CIMIP6: variants seen among roughly 807,000 people sequenced by gnomAD.
The protein encoded by CIMIP6 is uncharacterized protein C2orf73.
At chr2:54,345,880 A>C in the CIMIP6 span, among the ~76,000 whole-genome samples, 1 of 152,248 alleles carries the variant, frequency 6.6e-6, no homozygotes, top group African/African-American at 2.4e-5. Context: ...CCATAAAGGG[A>C]TAGAAAAATA....
At chr2:54,365,109 G>A in the CIMIP6 span, among the ~76,000 whole-genome samples, 1 of 152,180 alleles carries the variant, frequency 6.6e-6, no homozygotes, top group African/African-American at 2.4e-5. Context: ...GAGCTTTGCT[G>A]CTGTGAAAAT....
At chr2:54,341,998 T>G in the CIMIP6 span, among the ~76,000 whole-genome samples, 1 of 152,182 alleles carries the variant, frequency 6.6e-6, no homozygotes, top group Non-Finnish European at 1.5e-5. Flanking sequence ...TAAATTCACC[T>G]TTTAGCCCAT....
chr2:54,354,998 T>C, the CIMIP6 span, among the ~76,000 whole-genome samples: 2 of 152,142 alleles, frequency 1.3e-5, no homozygotes, highest in Non-Finnish European at 2.9e-5. Flanking sequence ...TAGTCTTGAA[T>C]TCTTCCTCTA....
the CIMIP6 span, chr2:54,383,145 A>G: frequency 1.3e-5 from 2 of 152,250 alleles, no homozygotes; most frequent in Non-Finnish European, 2.9e-5. Context: ...AAGGCCTCCC[A>G]CCAACAGCCA....
At chr2:54,351,519 C>G in the CIMIP6 span, among the ~76,000 whole-genome samples, 1 of 151,836 alleles carries the variant, frequency 6.6e-6, no homozygotes, top group Non-Finnish European at 1.5e-5. Flanking sequence ...CAAACTAACG[C>G]AGGAACAAAA....
At chr2:54,344,778 T>C in the CIMIP6 span, among the ~76,000 whole-genome samples, 1 of 151,938 alleles carries the variant, frequency 6.6e-6, no homozygotes, top group African/African-American at 2.4e-5. Context: ...AAAAAAGATT[T>C]GGAGAATAAA....
the CIMIP6 span, among the ~76,000 whole-genome samples, chr2:54,369,206 G>T: frequency 6.6e-6 from 1 of 152,146 alleles, no homozygotes; most frequent in African/African-American, 2.4e-5. Flanking sequence ...TTGTGTGTGG[G>T]GGTGTGTGTG....
chr2:54,355,025 C>T, the CIMIP6 span, among the ~76,000 whole-genome samples: 5 of 151,984 alleles, frequency 3.3e-5, no homozygotes, highest in African/African-American at 9.7e-5. Context: ...CAAAGTAGGT[C>T]TGTTTTGGGG....
chr2:54,360,022 T>C, the CIMIP6 span, among the ~76,000 whole-genome samples: 1 of 152,202 alleles, frequency 6.6e-6, no homozygotes, highest in South Asian at 2.1e-4. Context: ...ATTTTATAAT[T>C]TAAAAGGTTC....
At chr2:54,355,650 G>T in the CIMIP6 span, among the ~76,000 whole-genome samples, 13 of 151,378 alleles carry the variant, frequency 8.6e-5, no homozygotes, top group African/African-American at 2.9e-4. Context: ...ATCCTTTCCT[G>T]CTGCCTTCTG....
At chr2:54,374,952 C>T in the CIMIP6 span, among the ~76,000 whole-genome samples, 1 of 152,170 alleles carries the variant, frequency 6.6e-6, no homozygotes, top group African/African-American at 2.4e-5. Context: ...AATTATTTTT[C>T]TGTTTTGCTT....
At chr2:54,381,479 A>G in the CIMIP6 span, among the ~76,000 whole-genome samples, 4 of 152,226 alleles carry the variant, frequency 2.6e-5, no homozygotes, top group African/African-American at 9.7e-5. Flanking sequence ...CCTTACAGGG[A>G]ACGTTACTGT....
chr2:54,347,667 A>T, the CIMIP6 span, among the ~76,000 whole-genome samples: 4 of 152,108 alleles, frequency 2.6e-5, no homozygotes, highest in African/African-American at 9.7e-5. Flanking sequence ...CAGGGTCTGT[A>T]GATCTACTTA....
At chr2:54,366,756 G>A in the CIMIP6 span, among the ~76,000 whole-genome samples, 1 of 151,572 alleles carries the variant, frequency 6.6e-6, no homozygotes, top group Non-Finnish European at 1.5e-5. Flanking sequence ...AGTAATAATG[G>A]TCAACACAGA....
At chr2:54,364,573 G>T in the CIMIP6 span, among the ~76,000 whole-genome samples, 1 of 152,166 alleles carries the variant, frequency 6.6e-6, no homozygotes, top group Non-Finnish European at 1.5e-5. Context: ...CCCCAAGTCT[G>T]CAGTTAGCAA....
the CIMIP6 span, among the ~76,000 whole-genome samples, chr2:54,363,333 C>T: frequency 1.3e-5 from 2 of 152,096 alleles, no homozygotes; most frequent in Non-Finnish European, 2.9e-5. Flanking sequence ...TCCTGGGGGT[C>T]GGTAGCTACT....
the CIMIP6 span, among the ~76,000 whole-genome samples, chr2:54,350,415 TGGACTGAGGACG>T: frequency 6.6e-6 from 1 of 152,200 alleles, no homozygotes; most frequent in Non-Finnish European, 1.5e-5. Context: ...ACTTGGCAGA[TGGACTGAGGACG>T]GGACTCAGCT....
the CIMIP6 span, among the ~76,000 whole-genome samples, chr2:54,366,414 C>T: frequency 3.3e-5 from 5 of 152,188 alleles, 1 homozygote; most frequent in South Asian, 2.1e-4. Context: ...GTATAAACTA[C>T]TCTGATTTAG....
the CIMIP6 span, among the ~76,000 whole-genome samples, chr2:54,376,048 G>T: frequency 6.6e-6 from 1 of 152,016 alleles, no homozygotes; most frequent in Non-Finnish European, 1.5e-5. Context: ...TTTTGGTTTT[G>T]TTCTTGAGAC....
Sources: allele counts gnomAD v4.1 joint callset (sites outside exome capture counted in the v4.1 genomes callset), GRCh38; gene constraint gnomAD v4.1.1; transcripts MANE v1.5; gene names NCBI Gene and HGNC (gene_info 2026-07-23, HGNC 2026-07-21).